The following NEGR1 variants were observed in gnomAD, a reference collection of about 807,000 sequenced individuals.
The protein encoded by NEGR1 is IgLON family member 4.
Under a neutral mutation model 40.9 loss-of-function variants are expected in NEGR1, and 10 were observed. The ratio of observed to expected loss-of-function variants is 0.24; its 90% CI spans 0.15 to 0.42. The LOEUF (loss-of-function observed/expected upper bound fraction) is 0.42. Ranked by LOEUF, NEGR1 falls within the 10% of genes least tolerant of loss-of-function variation. The probability of loss-of-function intolerance (pLI) is 1.00; values close to 1 mark genes in which losing one functional copy is unlikely to be tolerated. For missense variants in NEGR1, 352 were observed against 438.9 expected, an observed-to-expected ratio of 0.80 and a Z score of 1.77; for synonymous variants, 185 against 166.8, an observed-to-expected ratio of 1.11 and a Z score of -0.84.
chr1:71,743,066 G>A (rs1021084493), intron 3 of NEGR1, among the ~76,000 whole-genome samples: 4 of 152,092 alleles, frequency 2.6e-5, no homozygotes, highest in African/African-American at 9.7e-5. Flanking sequence ...CTGCAACCCG[G>A]GAAGAGGGCC....
At chr1:72,148,240 G>A (rs913899263) in intron 1 of NEGR1, among the ~76,000 whole-genome samples, 1 of 152,056 alleles carries the variant, frequency 6.6e-6, no homozygotes, top group African/African-American at 2.4e-5. Flanking sequence ...AAATCTAGAC[G>A]GAGGTTCCCA....
intron 6 of NEGR1, among the ~76,000 whole-genome samples, chr1:71,459,361 A>C (rs923737814): frequency 6.6e-6 from 1 of 152,180 alleles, no homozygotes; most frequent in Non-Finnish European, 1.5e-5. Flanking sequence ...CTCATACTTT[A>C]ATTTTTGTTT....
At chr1:72,158,810 C>A (rs1200159034) in intron 1 of NEGR1, among the ~76,000 whole-genome samples, 1 of 151,972 alleles carries the variant, frequency 6.6e-6, no homozygotes, top group African/African-American at 2.4e-5. Context: ...ATCTAGTGAT[C>A]CAAGGCCATT....
At chr1:71,454,692 G>A (rs1179646679) in intron 6 of NEGR1, among the ~76,000 whole-genome samples, 4 of 152,088 alleles carry the variant, frequency 2.6e-5, no homozygotes, top group African/African-American at 9.7e-5. Context: ...TCAGGTTTTG[G>A]CTCCATCACT....
chr1:72,156,479 C>A (rs1438498925), intron 1 of NEGR1, among the ~76,000 whole-genome samples: 1 of 152,084 alleles, frequency 6.6e-6, no homozygotes, highest in Non-Finnish European at 1.5e-5. Context: ...CACTGTTAAG[C>A]AAAATATTAT....
intron 1 of NEGR1, among the ~76,000 whole-genome samples, chr1:71,985,551 A>G (rs1646387413): frequency 6.6e-6 from 1 of 152,140 alleles, no homozygotes. Flanking sequence ...GGTCTACATA[A>G]TTGTATGTTA....
At chr1:72,054,078 A>G (rs1569885475) in intron 1 of NEGR1, among the ~76,000 whole-genome samples, 1 of 151,324 alleles carries the variant, frequency 6.6e-6, no homozygotes, top group East Asian at 1.9e-4. Context: ...TTAAAATAAT[A>G]GGTACATTAG....
At chr1:71,878,266 G>C (rs567674221) in intron 2 of NEGR1, among the ~76,000 whole-genome samples, 4 of 152,178 alleles carry the variant, frequency 2.6e-5, no homozygotes, top group African/African-American at 4.8e-5. Context: ...TTTTAGAAAA[G>C]ATTATCCATC....
At chr1:72,147,379 T>C (rs1481258179) in intron 1 of NEGR1, among the ~76,000 whole-genome samples, 1 of 151,976 alleles carries the variant, frequency 6.6e-6, no homozygotes, top group Admixed American at 6.6e-5. Flanking sequence ...ACCCATCAGA[T>C]TTCGTAAGAC....
At chr1:71,629,544 G>T (rs1029932861) in intron 4 of NEGR1, among the ~76,000 whole-genome samples, 1 of 151,836 alleles carries the variant, frequency 6.6e-6, no homozygotes, top group Non-Finnish European at 1.5e-5. Context: ...GTCTATTATT[G>T]GTGTATAGGA....
At chr1:71,885,171 A>T (rs966226911) in intron 2 of NEGR1, among the ~76,000 whole-genome samples, 24 of 152,234 alleles carry the variant, frequency 1.6e-4, no homozygotes, top group African/African-American at 5.8e-4. Flanking sequence ...AACAGCCCTC[A>T]AATGGTCTGT....
intron 2 of NEGR1, among the ~76,000 whole-genome samples, chr1:71,779,291 T>C (rs1656618469): frequency 6.6e-6 from 1 of 152,184 alleles, no homozygotes. Context: ...GAATAATTCT[T>C]GACCCAAAGG....
intron 3 of NEGR1, among the ~76,000 whole-genome samples, chr1:71,752,264 G>C (rs1466863710): frequency 6.6e-6 from 1 of 152,096 alleles, no homozygotes; most frequent in Non-Finnish European, 1.5e-5. Flanking sequence ...CAGGCCATAG[G>C]TTCTCTGTTA....
chr1:71,607,779 C>T (rs761356250), intron 5 of NEGR1, among the ~76,000 whole-genome samples: 24 of 152,042 alleles, frequency 1.6e-4, no homozygotes, highest in Admixed American at 3.9e-4. Flanking sequence ...CTGTAATCTC[C>T]GCCTCCTGGG....
intron 2 of NEGR1, among the ~76,000 whole-genome samples, chr1:71,871,883 A>G (rs1283930650): frequency 6.6e-6 from 1 of 152,192 alleles, no homozygotes; most frequent in East Asian, 1.9e-4. Flanking sequence ...TTTCTATTTG[A>G]GATTAACTGA....
intron 6 of NEGR1, among the ~76,000 whole-genome samples, chr1:71,480,543 C>G (rs1646848145): frequency 6.6e-6 from 1 of 151,848 alleles, no homozygotes; most frequent in Non-Finnish European, 1.5e-5. Flanking sequence ...GATCTTTGTA[C>G]TCCAAATTTG....
At chr1:71,931,201 TG>T (rs1407681578) in intron 2 of NEGR1, among the ~76,000 whole-genome samples, 1 of 152,208 alleles carries the variant, frequency 6.6e-6, no homozygotes, top group Non-Finnish European at 1.5e-5. Context: ...TATAGAGTTA[TG>T]TGCTAGTCAA....
At chr1:71,501,768 A>C (rs1647000725) in intron 6 of NEGR1, among the ~76,000 whole-genome samples, 1 of 152,236 alleles carries the variant, frequency 6.6e-6, no homozygotes, top group African/African-American at 2.4e-5. Context: ...ACAGATAAGA[A>C]GAATAAAAAA....
intron 1 of NEGR1, chr1:72,101,062 C>T (rs1648918918): frequency 6.6e-6 from 1 of 152,194 alleles, no homozygotes; most frequent in Non-Finnish European, 1.5e-5. Flanking sequence ...CTCCATTTAC[C>T]ATTACACTGG....
Sources: gnomAD v4.1 joint callset for allele counts (sites outside exome capture counted in the v4.1 genomes callset) on GRCh38, gnomAD v4.1.1 for gene constraint, MANE v1.5 for transcripts, NCBI Gene and HGNC (gene_info 2026-07-23, HGNC 2026-07-21) for gene names.